TGFB2: variants seen among roughly 807,000 people sequenced by gnomAD.
TGFB2 encodes the protein transforming growth factor beta-2 proprotein.
TGFB2 carries 13 observed loss-of-function variants against 42.7 expected under a neutral mutation model. The ratio of observed to expected loss-of-function variants is 0.30; its 90% CI spans 0.20 to 0.48. TGFB2 has a LOEUF of 0.48. TGFB2 is among the 20% of genes least tolerant of loss of function. TGFB2 has a pLI of 0.99. For missense variants in TGFB2, 390 were observed against 517.5 expected, an observed-to-expected ratio of 0.75 and a Z score of 2.39; for synonymous variants, 193 against 193.6, an observed-to-expected ratio of 1.00 and a Z score of 0.03.
At chr1:218,432,531 T>C (rs1159694761) in intron 2 of TGFB2, among the ~76,000 whole-genome samples, 3 of 152,226 alleles carry the variant, frequency 2.0e-5, no homozygotes, top group Non-Finnish European at 4.4e-5. Context: ...AGGAAGCGTC[T>C]GTTGCCAAAT....
chr1:218,385,360 G>A (rs1658098443), intron 1 of TGFB2, among the ~76,000 whole-genome samples: 1 of 152,204 alleles, frequency 6.6e-6, no homozygotes, highest in Non-Finnish European at 1.5e-5. Flanking sequence ...TTTAACAAAA[G>A]GACGTGGACA....
chr1:218,349,798 C>G (rs1656810483), intron 1 of TGFB2, among the ~76,000 whole-genome samples: 1 of 152,108 alleles, frequency 6.6e-6, no homozygotes, highest in Non-Finnish European at 1.5e-5. Context: ...TATCCTTGGC[C>G]AAGTATACTA....
At chr1:218,352,802 G>A (rs1196782701) in intron 1 of TGFB2, among the ~76,000 whole-genome samples, 2 of 152,170 alleles carry the variant, frequency 1.3e-5, no homozygotes, top group Admixed American at 1.3e-4. Flanking sequence ...TGTCTGCATG[G>A]ATGGATGGTC....
At chr1:218,382,888 A>G (rs1001827050) in intron 1 of TGFB2, among the ~76,000 whole-genome samples, 7 of 152,216 alleles carry the variant, frequency 4.6e-5, no homozygotes, top group Non-Finnish European at 7.3e-5. Flanking sequence ...TTTCATGAGT[A>G]TTCAATTTTA....
At chr1:218,369,217 T>C (rs1397853870) in intron 1 of TGFB2, among the ~76,000 whole-genome samples, 1 of 129,332 alleles carries the variant, frequency 7.7e-6, no homozygotes, top group Non-Finnish European at 1.5e-5. Context: ...ATCGTGCCTC[T>C]TCACTCCAGC....
At chr1:218,389,442 T>G (rs1016982591) in intron 1 of TGFB2, among the ~76,000 whole-genome samples, 2 of 152,204 alleles carry the variant, frequency 1.3e-5, no homozygotes, top group African/African-American at 2.4e-5. Context: ...CATATGCACC[T>G]GCTTTCAAGT....
At chr1:218,419,087 T>C (rs997982911) in intron 2 of TGFB2, among the ~76,000 whole-genome samples, 25 of 152,316 alleles carry the variant, frequency 1.6e-4, no homozygotes, top group Middle Eastern at 3.4e-3. Flanking sequence ...AGCTCTACAG[T>C]GGCTTCGTAT....
At chr1:218,349,178 A>G (rs1282144227) in intron 1 of TGFB2, among the ~76,000 whole-genome samples, 1 of 152,194 alleles carries the variant, frequency 6.6e-6, no homozygotes, top group Non-Finnish European at 1.5e-5. Flanking sequence ...CAAAGAATAC[A>G]GGCTTTAAAA....
chr1:218,406,416 G>A (rs1658913117), intron 2 of TGFB2, among the ~76,000 whole-genome samples: 2 of 152,172 alleles, frequency 1.3e-5, no homozygotes, highest in Non-Finnish European at 2.9e-5. Context: ...CTGGGGCTGT[G>A]AGAAATGTAG....
rs1350988804 is a variant in TGFB2 at position 218,443,243 on chromosome 1, A to G, written c.*1881A>G. 6.6e-6 allele frequency: 1 copy of G among 152,230 alleles called. No individual in the cohort carries two copies. The highest frequency in any genetic ancestry group is 1.5e-5 in the Non-Finnish European group (1 of 68,036). The allele number at this position is 152,230 out of a possible 1,614,324, so 9.4% of individuals were successfully genotyped here. On this transcript the variant is annotated 3_prime_UTR_variant, in exon 7 of 7. Transcript: ENST00000366930. ...TTTGCCACATCATTGCAGAAGAGGTATCCTCATGCTGGGGTTAATAGAATA... is the reference window on the plus strand; with the variant it reads ...TTTGCCACATCATTGCAGAAGAGGTGTCCTCATGCTGGGGTTAATAGAATA...
At chr1:218,417,372 T>C (rs111317981) in intron 2 of TGFB2, among the ~76,000 whole-genome samples, 1 of 152,222 alleles carries the variant, frequency 6.6e-6, no homozygotes, top group East Asian at 1.9e-4. Flanking sequence ...TGTGGAACTT[T>C]GAACTTGAGA....
At chr1:218,398,823 G>C (rs571964550) in intron 1 of TGFB2, among the ~76,000 whole-genome samples, 1 of 152,106 alleles carries the variant, frequency 6.6e-6, no homozygotes, top group Non-Finnish European at 1.5e-5. Context: ...TTGACCTCGC[G>C]ATCTGCCTGC....
chr1:218,398,796 A>G (rs1179770168), intron 1 of TGFB2, among the ~76,000 whole-genome samples: 3 of 152,104 alleles, frequency 2.0e-5, no homozygotes, highest in Non-Finnish European at 2.9e-5. Flanking sequence ...CCATGTGGCC[A>G]GGATGGTCTT....
chr1:218,375,754 T>G (rs1044309898), intron 1 of TGFB2, among the ~76,000 whole-genome samples: 11 of 152,120 alleles, frequency 7.2e-5, no homozygotes, highest in African/African-American at 2.7e-4. Context: ...GAGATAGTAT[T>G]TTAAAATACG....
chr1:218,426,381 C>T (rs539457693), intron 2 of TGFB2, among the ~76,000 whole-genome samples: 1 of 152,192 alleles, frequency 6.6e-6, no homozygotes, highest in African/African-American at 2.4e-5. Flanking sequence ...CTTGTTTTTT[C>T]CCCCCTCAAA....
At chr1:218,432,240 T>C (rs1019481895) in intron 2 of TGFB2, among the ~76,000 whole-genome samples, 1 of 152,148 alleles carries the variant, frequency 6.6e-6, no homozygotes, top group Non-Finnish European at 1.5e-5. Flanking sequence ...TTAAATAAAA[T>C]AAAATAATGC....
At chr1:218,393,085 T>C (rs899747102) in intron 1 of TGFB2, among the ~76,000 whole-genome samples, 1 of 152,198 alleles carries the variant, frequency 6.6e-6, no homozygotes, top group Non-Finnish European at 1.5e-5. Context: ...TTTGAAAAGA[T>C]TAGAGAAAGA....
intron 1 of TGFB2, among the ~76,000 whole-genome samples, chr1:218,389,218 A>T (rs1658238451): frequency 6.6e-6 from 1 of 152,230 alleles, no homozygotes; most frequent in South Asian, 2.1e-4. Context: ...TGGGATTAAC[A>T]TTCATCATTG....
intron 1 of TGFB2, among the ~76,000 whole-genome samples, chr1:218,364,189 A>G (rs1657310227): frequency 6.6e-6 from 1 of 152,128 alleles, no homozygotes. Context: ...TCGTTTGCTT[A>G]AGGAAATGGA....
Sources: gnomAD v4.1 joint callset for allele counts (sites outside exome capture counted in the v4.1 genomes callset) on GRCh38, gnomAD v4.1.1 for gene constraint, MANE v1.5 for transcripts, NCBI Gene and HGNC (gene_info 2026-07-23, HGNC 2026-07-21) for gene names.